The following ST8SIA4 variants were observed in gnomAD, a reference collection of about 807,000 sequenced individuals.
ST8SIA4 encodes the protein CMP-N-acetylneuraminate-poly-alpha-2,8-sialyltransferase.
ST8SIA4 carries 15 observed loss-of-function variants against 33.9 expected under a neutral mutation model. That is an observed-to-expected ratio of 0.44 (90% CI 0.30 to 0.68). The LOEUF is 0.68. Among genes scored for constraint, ST8SIA4 ranks in the 30% least tolerant of loss-of-function variants. The pLI, the probability that ST8SIA4 is intolerant of heterozygous loss-of-function variation, is 0.10. For synonymous variants in ST8SIA4, 171 were observed against 151.2 expected, an observed-to-expected ratio of 1.13 and a Z score of -0.96; for missense variants, 321 against 428.0, an observed-to-expected ratio of 0.75 and a Z score of 2.21.
chr5:100,831,119 A>G (rs1393827445), intron 4 of ST8SIA4, among the ~76,000 whole-genome samples: 2 of 152,254 alleles, frequency 1.3e-5, no homozygotes, highest in Non-Finnish European at 1.5e-5. Flanking sequence ...GTTACATTAT[A>G]TAATTATATT....
intron 4 of ST8SIA4, among the ~76,000 whole-genome samples, chr5:100,838,843 C>T (rs752100713): frequency 2.0e-5 from 3 of 151,886 alleles, no homozygotes; most frequent in Non-Finnish European, 2.9e-5. Context: ...CAAATATGTA[C>T]AATAGAAAAT....
intron 4 of ST8SIA4, among the ~76,000 whole-genome samples, chr5:100,817,540 T>C (rs1750955481): frequency 6.6e-6 from 1 of 152,212 alleles, no homozygotes; most frequent in African/African-American, 2.4e-5. Flanking sequence ...AAATAGAATA[T>C]CTGCTGTTTT....
At position 100,900,284 on chromosome 5, in the gene ST8SIA4, C is replaced by A. The variant is rs553806364; in HGVS notation, c.113+2559G>T. The A allele has an allele frequency of 1.2e-3, 452 of 378,398 alleles. 9 individuals are homozygous for A. The highest frequency in any genetic ancestry group is 8.3e-3 in the South Asian group (437 of 52,848). The allele number at this position is 378,398 out of a possible 1,614,324, so 23.4% of individuals were successfully genotyped here. A position where few individuals can be genotyped will look rare whatever the true frequency, so the allele number is the denominator to read the frequency against. ...CTGCCAAGCCACAAGGCTCGCAGTG[C>A]CCCCCAAAGGCCAGAGACTGCCTTG... On this transcript the variant is annotated intron_variant, in intron 1 of 4. Coordinates refer to ENST00000231461, the MANE Select transcript of ST8SIA4 (RefSeq NM_005668.6).
At chr5:100,818,979 T>C (rs1750985772) in intron 4 of ST8SIA4, among the ~76,000 whole-genome samples, 3 of 152,164 alleles carry the variant, frequency 2.0e-5, no homozygotes, top group Admixed American at 6.5e-5. Context: ...TAAGAAATTC[T>C]AGATCTACAT....
chr5:100,848,493 T>G (rs1223467742), intron 4 of ST8SIA4, among the ~76,000 whole-genome samples: 1 of 149,816 alleles, frequency 6.7e-6, no homozygotes, highest in Non-Finnish European at 1.5e-5. Context: ...ACACACAGAG[T>G]ATATATACTC....
At chr5:100,889,691 A>T (rs899793877) in intron 2 of ST8SIA4, among the ~76,000 whole-genome samples, 1 of 151,932 alleles carries the variant, frequency 6.6e-6, no homozygotes, top group East Asian at 1.9e-4. Context: ...AAAATGATTT[A>T]AAAAGGGAAC....
At chr5:100,900,552 G>A in intron 1 of ST8SIA4, 1 of 454,362 alleles carries the variant, frequency 2.2e-6, no homozygotes, top group South Asian at 1.6e-5. Context: ...AGTGCTCAGG[G>A]AGCCTAGCTG....
At position 100,892,145 on chromosome 5, in the gene ST8SIA4, G is replaced by A. The variant is rs556094217; in HGVS notation, c.245+3509C>T. Among the ~76,000 whole-genome samples, 23 of 151,698 alleles carry A rather than the reference G, an allele frequency of 1.5e-4. No individual in the cohort carries two copies. The East Asian group carries it at 1.7e-3, about 11-fold the overall frequency. On this transcript the variant is annotated intron_variant, in intron 2 of 4. Coordinates refer to ENST00000231461, the MANE Select transcript of ST8SIA4 (RefSeq NM_005668.6). ...TCTATAATTGATGTTTGCACTTTTC[G>A]GGGTTTCTAGTCAACATGTAAAAAA...
chr5:100,821,376 A>G (rs1034038551), intron 4 of ST8SIA4, among the ~76,000 whole-genome samples: 9 of 152,170 alleles, frequency 5.9e-5, no homozygotes, highest in African/African-American at 1.7e-4. Flanking sequence ...ATTAACAAGG[A>G]GTCCAAGGAG....
At chr5:100,879,067 A>G (rs936618313) in intron 3 of ST8SIA4, among the ~76,000 whole-genome samples, 42 of 152,352 alleles carry the variant, frequency 2.8e-4, no homozygotes, top group Non-Finnish European at 5.4e-4. Flanking sequence ...GTAAAAATAT[A>G]GAACAAATCA....
chr5:100,871,927 C>A (rs976835233), intron 3 of ST8SIA4, among the ~76,000 whole-genome samples: 3 of 152,014 alleles, frequency 2.0e-5, no homozygotes, highest in African/African-American at 7.2e-5. Flanking sequence ...GATCCCTAAT[C>A]TTTAGAACAT....
intron 3 of ST8SIA4, among the ~76,000 whole-genome samples, chr5:100,865,582 C>T (rs1412136914): frequency 6.6e-6 from 1 of 152,128 alleles, no homozygotes; most frequent in African/African-American, 2.4e-5. Flanking sequence ...TATTTCAAAT[C>T]AGCATGTTCA....
At chr5:100,846,126 A>G (rs538126644) in intron 4 of ST8SIA4, among the ~76,000 whole-genome samples, 3 of 152,158 alleles carry the variant, frequency 2.0e-5, no homozygotes, top group Admixed American at 6.6e-5. Context: ...TCCAGATTAC[A>G]TCCTCACTAT....
chr5:100,831,961 AG>A (rs1189817940), intron 4 of ST8SIA4, among the ~76,000 whole-genome samples: 1 of 152,174 alleles, frequency 6.6e-6, no homozygotes, highest in Non-Finnish European at 1.5e-5. Flanking sequence ...CCCAGAATCT[AG>A]AACCATAACT....
At chr5:100,902,117 G>A (rs577109738) in intron 1 of ST8SIA4, among the ~76,000 whole-genome samples, 9 of 152,318 alleles carry the variant, frequency 5.9e-5, no homozygotes, top group African/African-American at 2.2e-4. Flanking sequence ...AGACACAGAG[G>A]CCAGCGGGTG....
chr5:100,888,695 C>G (rs1240627123), intron 2 of ST8SIA4, among the ~76,000 whole-genome samples: 4 of 151,882 alleles, frequency 2.6e-5, no homozygotes, highest in Non-Finnish European at 5.9e-5. Flanking sequence ...GAGTAATTCT[C>G]TAACTCAGAA....
In ST8SIA4 at chr5:100,811,777, G is replaced by T; in HGVS notation, c.*70C>A. The T allele has an allele frequency of 6.8e-7, 1 of 1,475,840 alleles. No individual in the cohort carries two copies. 91.4% of individuals were successfully genotyped at this position (1,475,840 alleles called of 1,614,324 possible). ...GGATGCTGAAACCCAGCCGTGTTTT[G>T]GATCCTATTTTCAAATCTTCGGAAG... On this transcript the variant is annotated 3_prime_UTR_variant, in exon 5 of 5. Coordinates refer to ENST00000231461, the MANE Select transcript of ST8SIA4 (RefSeq NM_005668.6).
At position 100,809,664 on chromosome 5, in the gene ST8SIA4, T is replaced by C. The variant is rs1462716467; in HGVS notation, c.*2183A>G. ...GCAAGTAGTCCAAATTTAGATTTTA[T>C]AAATCACTTTCAATTTATTAAGTAA... On this transcript the variant is annotated 3_prime_UTR_variant, in exon 5 of 5. Transcript: ENST00000231461. 6.6e-6 allele frequency: 1 copy of C among 152,190 alleles called. No individual in the cohort carries two copies. The highest frequency in any genetic ancestry group is 1.5e-5 in the Non-Finnish European group (1 of 68,022). 9.4% of individuals were successfully genotyped at this position (152,190 alleles called of 1,614,324 possible).
chr5:100,883,225 G>A (rs539821595), intron 3 of ST8SIA4, among the ~76,000 whole-genome samples: 1 of 152,334 alleles, frequency 6.6e-6, no homozygotes, highest in South Asian at 2.1e-4. Context: ...TGACCTACAC[G>A]TGAGACCTGG....
Sources: gnomAD v4.1 joint callset for allele counts (sites outside exome capture counted in the v4.1 genomes callset) on GRCh38, gnomAD v4.1.1 for gene constraint, MANE v1.5 for transcripts, NCBI Gene and HGNC (gene_info 2026-07-23, HGNC 2026-07-21) for gene names.